Variants in NUDCD1 observed in about 807,000 individuals in gnomAD.
NUDCD1 encodes the protein NudC domain containing 1, also known as nudC domain-containing protein 1.
A neutral mutation model predicts 67.8 loss-of-function variants in NUDCD1; 60 were observed. The observed-to-expected ratio is 0.88, with a 90% confidence interval of 0.72 to 1.10. The LOEUF (loss-of-function observed/expected upper bound fraction) is 1.10. Ranked by LOEUF, NUDCD1 falls within the 50% of genes least tolerant of loss-of-function variation. The pLI is 0.00. For synonymous variants in NUDCD1, 244 were observed against 230.8 expected (o/e 1.06, Z -0.52); for missense variants, 643 against 695.0 (o/e 0.93, Z 0.84).
chr8:109,260,558 T>G (rs66514810), intron 8 of NUDCD1, among the ~76,000 whole-genome samples: 19,506 of 152,166 alleles, frequency 0.13, 1,325 homozygotes, highest in Middle Eastern at 0.25. Context: ...CAAACAGAAT[T>G]TAAAACAAGC....
In NUDCD1 at chr8:109,296,488, T is replaced by C. The variant is rs150014260; in HGVS notation, c.355A>G (p.Ile119Val). ...ACCCAGGTAGAAGATGAGAAATGGA[T>C]AGATGCACAAAGACGGTTGTCACAT... ...TACDNRLCAS[I>V]HFSSSTWVTL... is the part of the protein sequence containing the mutation. Residue 119 changes from isoleucine to valine, a missense_variant, in exon 3 of 10, where the codon ATC becomes GTC. Physicochemically the swap from Ile to Val is conservative, Grantham distance 29 (BLOSUM62 3). Coordinates refer to ENST00000239690, the MANE Select transcript of NUDCD1 (RefSeq NM_032869.4). 2.0e-3 allele frequency: 3,154 copies of C among 1,613,316 alleles called. 85 individuals are homozygous for C. The South Asian group carries it at 0.033, about 17-fold the overall frequency.
At chr8:109,278,610 G>T (rs1185121596) in intron 6 of NUDCD1, among the ~76,000 whole-genome samples, 1 of 152,158 alleles carries the variant, frequency 6.6e-6, no homozygotes, top group Non-Finnish European at 1.5e-5. Flanking sequence ...TATCACCATA[G>T]ATTAGTTTTG....
chr8:109,242,946 G>T lies in NUDCD1; in HGVS notation c.*63C>A. 2 of 1,080,114 alleles carry T rather than the reference G, an allele frequency of 1.9e-6. No individual in the cohort carries two copies. Among genetic ancestry groups the T allele is most frequent in the Non-Finnish European group, 2.8e-6 (2 of 726,124 alleles). The allele number at this position is 1,080,114 out of a possible 1,614,324, so 66.9% of individuals were successfully genotyped here. A position where few individuals can be genotyped will look rare whatever the true frequency, so the allele number is the denominator to read the frequency against. ...AAACTTAAGAGGTTACAGTATAACT[G>T]TCCAGACCTCCAGGTACCACTGAAT... On this transcript the variant is annotated 3_prime_UTR_variant, in exon 10 of 10. Transcript: ENST00000239690.
At chr8:109,300,942 T>C (rs996119283) in intron 2 of NUDCD1, among the ~76,000 whole-genome samples, 4 of 152,202 alleles carry the variant, frequency 2.6e-5, no homozygotes, top group African/African-American at 7.2e-5. Context: ...TGGGGCCCTA[T>C]CTTCAGTCTT....
chr8:109,265,959 C>T (rs1268035446), intron 8 of NUDCD1, among the ~76,000 whole-genome samples: 1 of 152,048 alleles, frequency 6.6e-6, no homozygotes, highest in Non-Finnish European at 1.5e-5. Context: ...AGATGAATAT[C>T]ATCTGATCTA....
chr8:109,243,456 G>A (rs962667550), intron 9 of NUDCD1, among the ~76,000 whole-genome samples, 155 bp from the exon 10 acceptor site: 1 of 151,962 alleles, frequency 6.6e-6, no homozygotes, highest in Admixed American at 6.6e-5. Flanking sequence ...AATCATTAAC[G>A]ATTAGCCACA....
intron 2 of NUDCD1, among the ~76,000 whole-genome samples, chr8:109,307,587 C>T (rs1373150140): frequency 6.6e-6 from 1 of 152,094 alleles, no homozygotes; most frequent in African/African-American, 2.4e-5. Flanking sequence ...ATTAAAAAAA[C>T]ATATATACGG....
At chr8:109,300,343 C>A (rs1814955697) in intron 2 of NUDCD1, among the ~76,000 whole-genome samples, 1 of 150,712 alleles carries the variant, frequency 6.6e-6, no homozygotes, top group Non-Finnish European at 1.5e-5. Context: ...CGTAAGGAAA[C>A]AAAAAAAAAT....
intron 6 of NUDCD1, among the ~76,000 whole-genome samples, chr8:109,280,086 CAT>C (rs1456159305): frequency 1.1e-4 from 17 of 152,128 alleles, no homozygotes; most frequent in African/African-American, 3.1e-4. Context: ...TATTTCTACA[CAT>C]GTGAAATAAT....
chr8:109,290,351 C>T (rs182104982), intron 4 of NUDCD1, among the ~76,000 whole-genome samples: 197 of 152,216 alleles, frequency 1.3e-3, no homozygotes, highest in Non-Finnish European at 1.9e-3. Context: ...TACCCCAGAA[C>T]TCCAACATGA....
chr8:109,269,659 A>C (rs1264238905), intron 8 of NUDCD1, among the ~76,000 whole-genome samples: 1 of 152,100 alleles, frequency 6.6e-6, no homozygotes, highest in Non-Finnish European at 1.5e-5. Flanking sequence ...TTTTCTTGAA[A>C]ACAGAACCTT....
At chr8:109,322,512 T>C in intron 1 of NUDCD1, 49 bp from the exon 2 acceptor site, 2 of 1,490,320 alleles carry the variant, frequency 1.3e-6, no homozygotes, top group Admixed American at 1.8e-5. Context: ...TTGCCTCAGA[T>C]AGTTTCTATC....
Position 109,245,428 on chromosome 8 carries a change from T to C in NUDCD1, c.1353A>G (p.Glu451=). The C allele has an allele frequency of 6.2e-7, 1 of 1,613,794 alleles. No homozygotes were observed. Among genetic ancestry groups the C allele is most frequent in the Non-Finnish European group, 8.5e-7 (1 of 1,179,878 alleles). ...YLFSVIVDPK[E]MPCFCLRHDV... ...CATGGCGCAAACAGAAGCAGGGCAT[T>C]TCTTTAGGATCCACTATGACAGAGA... The change falls in exon 9 of 10, where the codon GAA becomes GAG. Residue 451 remains glutamate (E), a synonymous_variant. Coordinates refer to ENST00000239690, the MANE Select transcript of NUDCD1 (RefSeq NM_032869.4).
chr8:109,300,623 A>C (rs1019282411), intron 2 of NUDCD1, among the ~76,000 whole-genome samples: 4 of 152,226 alleles, frequency 2.6e-5, no homozygotes, highest in Middle Eastern at 3.2e-3. Flanking sequence ...AAACCTAAGA[A>C]CAATCGGCAT....
chr8:109,321,026 T>C (rs550814078), intron 2 of NUDCD1, among the ~76,000 whole-genome samples: 2 of 152,350 alleles, frequency 1.3e-5, no homozygotes, highest in African/African-American at 4.8e-5. Flanking sequence ...CTTTTATAAC[T>C]TTTTTGGTTT....
intron 2 of NUDCD1, among the ~76,000 whole-genome samples, chr8:109,318,307 G>C (rs1815451457): frequency 6.6e-6 from 1 of 152,310 alleles, no homozygotes; most frequent in East Asian, 1.9e-4. Context: ...CTTCGAGTCA[G>C]AAAATTGGTA....
intron 1 of NUDCD1, chr8:109,329,706 CACA>C (rs1244050269): frequency 9.0e-7 from 1 of 1,112,614 alleles, no homozygotes; most frequent in Non-Finnish European, 1.3e-6. Context: ...ATACATATAT[CACA>C]ACTTCTTAAG....
intron 6 of NUDCD1, among the ~76,000 whole-genome samples, chr8:109,279,717 C>T (rs914499413): frequency 3.3e-5 from 5 of 152,192 alleles, no homozygotes; most frequent in East Asian, 3.9e-4. Flanking sequence ...CGGAAACCTC[C>T]GCCTCCCGGG....
chr8:109,283,989 T>TAAAAAAAAAAAA (rs58089818), intron 5 of NUDCD1, among the ~76,000 whole-genome samples: 2 of 133,180 alleles, frequency 1.5e-5, no homozygotes, highest in African/African-American at 2.9e-5. Context: ...AAAGCTGGAT[T>TAAAAAAAAAAAA]AAAAAAAAAA....
Sources: allele counts gnomAD v4.1 joint callset (sites outside exome capture counted in the v4.1 genomes callset), GRCh38; gene constraint gnomAD v4.1.1; transcripts MANE v1.5; gene names NCBI Gene and HGNC (gene_info 2026-07-23, HGNC 2026-07-21).